The following TTBK2 variants were observed in gnomAD, a reference collection of about 807,000 sequenced individuals.
TTBK2 encodes the protein tau-tubulin kinase 2.
In TTBK2, 28 loss-of-function variants were observed where a neutral mutation model predicts 110.8. That is an observed-to-expected ratio of 0.25 (90% confidence interval 0.19 to 0.35). The LOEUF is 0.35. Ranked by LOEUF, TTBK2 falls within the 10% of genes least tolerant of loss-of-function variation. TTBK2 has a pLI of 1.00. For synonymous variants in TTBK2, 532 were observed against 527.3 expected (o/e 1.01, Z -0.12); for missense variants, 1,369 against 1,500.3 (o/e 0.91, Z 1.45).
At chr15:42,813,333 G>T (rs1164007914) in intron 7 of TTBK2, among the ~76,000 whole-genome samples, 1 of 152,002 alleles carries the variant, frequency 6.6e-6, no homozygotes, top group Non-Finnish European at 1.5e-5. Flanking sequence ...ACTAGCCTGG[G>T]CAACATGGCA....
chr15:42,754,926 TGAACCCGA>T lies in TTBK2; in HGVS notation c.1999-1687_1999-1680del, dbSNP rs1360578693. ...AGGAGGCTGAGGCAGGAGAATCGCT[TGAACCCGA>T]GAGGCAGAGGTTGTGGTGAGCCGAG... On this transcript the variant is annotated intron_variant, in intron 13 of 14. Transcript: ENST00000267890. Among the ~76,000 whole-genome samples, 4 of 146,704 alleles carry T rather than the reference TGAACCCGA, an allele frequency of 2.7e-5. No homozygotes were observed. In the East Asian group the frequency reaches 6.2e-4, roughly 23 times the overall value.
At chr15:42,870,157 G>C (rs1894557496) in intron 3 of TTBK2, among the ~76,000 whole-genome samples, 1 of 151,866 alleles carries the variant, frequency 6.6e-6, no homozygotes, top group Non-Finnish European at 1.5e-5. Flanking sequence ...CTGGGCAACA[G>C]AGCAAGACTC....
chr15:42,830,031 G>C lies in TTBK2; in HGVS notation c.339C>G (p.Phe113Leu). The C allele has an allele frequency of 6.2e-7, 1 of 1,614,132 alleles. No individual in the cohort carries two copies. Among genetic ancestry groups the C allele is most frequent in the Non-Finnish European group, 8.5e-7 (1 of 1,180,018 alleles). Reference protein sequence around the residue: ...DLRRSQSRGTFTISTTLRLGR... With the variant: ...DLRRSQSRGTLTISTTLRLGR... ...CCAGCCGGAGAGTGGTACTAATGGT[G>C]AATGTGCCTCGGGACTGGCTACGGC... Residue 113 changes from phenylalanine (F) to leucine (L), a missense_variant, in exon 5 of 15, where the codon TTC (phenylalanine) becomes TTG (leucine). Phe to Leu is a conservative substitution (Grantham distance 22, BLOSUM62 0). Transcript: ENST00000267890.
chr15:42,906,214 T>C (rs904167349), intron 1 of TTBK2, among the ~76,000 whole-genome samples: 4 of 151,832 alleles, frequency 2.6e-5, no homozygotes, highest in Admixed American at 6.6e-5. Flanking sequence ...TCATTACTTA[T>C]GTAATTCTGC....
chr15:42,859,265 T>C (rs1397359026), intron 3 of TTBK2, among the ~76,000 whole-genome samples: 1 of 151,914 alleles, frequency 6.6e-6, no homozygotes, highest in East Asian at 1.9e-4. Context: ...CACCACCATG[T>C]CCAGATAATT....
chr15:42,790,101 C>T (rs1317192904), intron 10 of TTBK2, among the ~76,000 whole-genome samples: 3 of 151,804 alleles, frequency 2.0e-5, no homozygotes, highest in African/African-American at 7.3e-5. Context: ...GAATTGGACC[C>T]CTATTTTACA....
intron 7 of TTBK2, among the ~76,000 whole-genome samples, chr15:42,815,958 A>AAAAAAAAAATATATATAT (rs71108183): frequency 4.4e-5 from 4 of 91,716 alleles, no homozygotes; most frequent in Admixed American, 1.3e-4. Flanking sequence ...TTAAAAAAAA[A>AAAAAAAAAATATATATAT]ATATATATAT....
intron 1 of TTBK2, among the ~76,000 whole-genome samples, chr15:42,891,370 G>A (rs929399250): frequency 2.6e-5 from 4 of 151,030 alleles, no homozygotes; most frequent in Admixed American, 2.0e-4. Flanking sequence ...GACAGAGTCT[G>A]GGTATGTTGC....
rs144231377 is a variant in TTBK2 at position 42,772,566 on chromosome 15, T to G, written c.1998+2569A>C. On this transcript the variant is annotated intron_variant, in intron 13 of 14. Transcript: ENST00000267890. ...TTAACGATGCTAAATTTGGGCTAAT[T>G]TGTTACATAGCAATGGCAATGGATA... Among the ~76,000 whole-genome samples, 103 of 152,308 alleles carry G rather than the reference T, an allele frequency of 6.8e-4. 1 individual carries two copies. In the East Asian group the frequency reaches 0.019, roughly 29 times the overall value.
chr15:42,763,192 ATTTTTTTTTTTTTTTTTTTTTTTTT>A (rs1183545103), intron 13 of TTBK2, among the ~76,000 whole-genome samples: 1 of 13,382 alleles, frequency 7.5e-5, no homozygotes, highest in Non-Finnish European at 1.2e-4. Flanking sequence ...ATATATATAT[ATTTTTTTTTTTTTTTTTTTTTTTTT>A]TTTTTTTTTT....
intron 14 of TTBK2, among the ~76,000 whole-genome samples, chr15:42,749,608 G>T (rs1025392829): frequency 2.6e-5 from 4 of 152,210 alleles, no homozygotes; most frequent in South Asian, 2.1e-4. Context: ...GATCACAGAA[G>T]AGCAGAGAAA....
At chr15:42,786,622 C>G (rs10438264) in intron 10 of TTBK2, among the ~76,000 whole-genome samples, 1,732 of 152,250 alleles carry the variant, frequency 0.011, 28 homozygotes, top group African/African-American at 0.039. Context: ...ACCTCCATCT[C>G]TGAATACACT....
chr15:42,757,794 G>A (rs191238964), intron 13 of TTBK2, among the ~76,000 whole-genome samples: 4 of 152,172 alleles, frequency 2.6e-5, no homozygotes, highest in African/African-American at 9.6e-5. Flanking sequence ...TTTCATTATG[G>A]CATTAATCAA....
chr15:42,896,850 T>C (rs1201163937), intron 1 of TTBK2, among the ~76,000 whole-genome samples: 4 of 151,988 alleles, frequency 2.6e-5, no homozygotes, highest in East Asian at 1.9e-4. Flanking sequence ...ATAGGTTTAC[T>C]ATTATTAAAA....
At chr15:42,898,026 T>C (rs1895736461) in intron 1 of TTBK2, among the ~76,000 whole-genome samples, 2 of 151,864 alleles carry the variant, frequency 1.3e-5, no homozygotes, top group South Asian at 2.1e-4. Flanking sequence ...TCCATATCTA[T>C]AAAAAGTATA....
At chr15:42,867,038 A>C (rs1894399455) in intron 3 of TTBK2, among the ~76,000 whole-genome samples, 1 of 152,008 alleles carries the variant, frequency 6.6e-6, no homozygotes, top group Admixed American at 6.5e-5. Flanking sequence ...AGGTCAGGAG[A>C]TCGAGACCAT....
intron 3 of TTBK2, among the ~76,000 whole-genome samples, chr15:42,850,700 T>C (rs891595871): frequency 4.6e-5 from 7 of 152,192 alleles, no homozygotes; most frequent in African/African-American, 1.7e-4. Flanking sequence ...AGCAAGTTAG[T>C]AGAATCACAA....
At chr15:42,793,587 G>A (rs528813204) in intron 10 of TTBK2, among the ~76,000 whole-genome samples, 20 of 151,936 alleles carry the variant, frequency 1.3e-4, no homozygotes, top group African/African-American at 4.6e-4. Context: ...AGTGGCTCAC[G>A]CCTGTAATCC....
chr15:42,854,126 G>A (rs111631347), intron 3 of TTBK2, among the ~76,000 whole-genome samples: 7,058 of 152,078 alleles, frequency 0.046, 428 homozygotes, highest in African/African-American at 0.13. Flanking sequence ...TGTAGAGACA[G>A]GGTCTCTCGC....
Sources: allele counts gnomAD v4.1 joint callset (sites outside exome capture counted in the v4.1 genomes callset), GRCh38; gene constraint gnomAD v4.1.1; transcripts MANE v1.5; gene names NCBI Gene and HGNC (gene_info 2026-07-23, HGNC 2026-07-21).